HCK: variants seen among roughly 807,000 people sequenced by gnomAD.
HCK encodes HCK proto-oncogene, Src family tyrosine kinase.
In HCK, 40 loss-of-function variants were observed where a neutral mutation model predicts 70.4. That is an observed-to-expected ratio of 0.57 (90% CI 0.44 to 0.74). HCK has a LOEUF of 0.74. Among genes scored for constraint, HCK ranks in the 30% least tolerant of loss-of-function variants. HCK has a pLI of 0.00. For missense variants in HCK, 568 were observed against 697.2 expected (o/e 0.81, Z 2.09); for synonymous variants, 245 against 263.2 (o/e 0.93, Z 0.67).
At chr20:32,069,389 T>TG in intron 1 of HCK, among the ~76,000 whole-genome samples, 1 of 152,206 alleles carries the variant, frequency 6.6e-6, no homozygotes, top group Non-Finnish European at 1.5e-5. Flanking sequence ...TGCAGATCAG[T>TG]GGGTGCCCAG....
In HCK at chr20:32,079,887, G is replaced by A. The variant is rs3746603; in HGVS notation, c.532+10G>A. On this transcript the variant is annotated intron_variant, in intron 6 of 12. Transcript: ENST00000375852. ...AGCGAGACCACTAAAGGTGACACCA[G>A]CCCTCCCCACCTTGTCCTCCCTGCC... is the stretch of plus-strand genomic sequence containing the variant. The A allele has an allele frequency of 0.012, 18,567 of 1,590,320 alleles. 1,230 individuals carry two copies. In the East Asian group the frequency reaches 0.2, roughly 17 times the overall value.
At chr20:32,099,773 T>G (rs1174270383) in intron 12 of HCK, among the ~76,000 whole-genome samples, 1 of 152,156 alleles carries the variant, frequency 6.6e-6, no homozygotes, top group African/African-American at 2.4e-5. Context: ...CAGCGTCATC[T>G]CCCATAGATG....
intron 1 of HCK, among the ~76,000 whole-genome samples, chr20:32,062,294 A>G (rs757363569): frequency 2.0e-5 from 3 of 152,020 alleles, no homozygotes; most frequent in Non-Finnish European, 4.4e-5. Flanking sequence ...GCAGATTCAA[A>G]CCCAGCTCTA....
At chr20:32,085,310 C>G (rs60902201) in intron 8 of HCK, among the ~76,000 whole-genome samples, 3 of 152,078 alleles carry the variant, frequency 2.0e-5, no homozygotes, top group African/African-American at 7.2e-5. Flanking sequence ...GTCAGCAGTT[C>G]GAGAAAAACC....
At chr20:32,079,257 G>A (rs1451848723) in intron 5 of HCK, among the ~76,000 whole-genome samples, 1 of 152,188 alleles carries the variant, frequency 6.6e-6, no homozygotes, top group Admixed American at 6.5e-5. Context: ...CTCCATATAT[G>A]CGGAGGAGGA....
At chr20:32,072,563 T>TAAAAAA (rs199684278) in intron 2 of HCK, 5 of 63,206 alleles carry the variant, frequency 7.9e-5, no homozygotes, top group African/African-American at 2.9e-4. Context: ...CCTGTCTCTT[T>TAAAAAA]AAAAAAAAAA....
intron 1 of HCK, among the ~76,000 whole-genome samples, chr20:32,063,171 A>T (rs1338219300): frequency 2.0e-5 from 3 of 152,154 alleles, no homozygotes; most frequent in African/African-American, 7.2e-5. Context: ...TGGTCTGTTG[A>T]CTTCAGCCAA....
At chr20:32,092,620 G>A (rs954106706) in intron 10 of HCK, among the ~76,000 whole-genome samples, 1 of 151,868 alleles carries the variant, frequency 6.6e-6, no homozygotes, top group Non-Finnish European at 1.5e-5. Flanking sequence ...TCCCCAACAC[G>A]CTCAGAATAA....
At chr20:32,086,083 A>G (rs2045780922) in intron 8 of HCK, among the ~76,000 whole-genome samples, 1 of 152,112 alleles carries the variant, frequency 6.6e-6, no homozygotes, top group Admixed American at 6.5e-5. Context: ...GCAGTGGCTC[A>G]ATCTTGGCTC....
In HCK at chr20:32,093,932, T is replaced by C; in HGVS notation, c.1162T>C (p.Leu388=). ...CCGAGACCTCCGAGCTGCCAACATC[T>C]TGGTCTCTGCATCCCTGGTGTGTAA... The change falls in exon 11 of 13, where the codon TTG becomes CTG. Residue 388 remains leucine, a synonymous_variant. Coordinates refer to ENST00000375852, the MANE Select transcript of HCK (RefSeq NM_002110.5). The C allele has an allele frequency of 6.2e-7, 1 of 1,613,382 alleles. No homozygotes were observed. The highest frequency in any genetic ancestry group is 8.5e-7 in the Non-Finnish European group (1 of 1,179,818).
At chr20:32,052,786 G>GT (rs1568945581) in intron 1 of HCK, among the ~76,000 whole-genome samples, 1 of 129,798 alleles carries the variant, frequency 7.7e-6, no homozygotes, top group African/African-American at 3.4e-5. Flanking sequence ...CCTTCTTGGG[G>GT]GGGGGCGGGG....
chr20:32,064,966 C>T (rs977741541), intron 1 of HCK, among the ~76,000 whole-genome samples: 29 of 152,232 alleles, frequency 1.9e-4, no homozygotes, highest in African/African-American at 7.0e-4. Flanking sequence ...GCTCTCAGAG[C>T]GTGCTTTTGA....
At chr20:32,053,129 T>A (rs1227151383) in intron 1 of HCK, among the ~76,000 whole-genome samples, 1 of 152,120 alleles carries the variant, frequency 6.6e-6, no homozygotes, top group Non-Finnish European at 1.5e-5. Context: ...AAAACGGGGC[T>A]ATGAAGTCTT....
intron 1 of HCK, among the ~76,000 whole-genome samples, chr20:32,056,267 A>T (rs2045270138): frequency 1.3e-5 from 2 of 152,096 alleles, no homozygotes. Context: ...TAATCCCAGC[A>T]CTCTGGGAGG....
In HCK at chr20:32,079,758, C is replaced by T. The variant is rs369877137; in HGVS notation, c.429-16C>T. ...ATGACCCCAGGTTCACATTTGTCCCCTCCCTTTTCCATCAGGTGGTTTTTC... is the reference window on the plus strand; with the variant it reads ...ATGACCCCAGGTTCACATTTGTCCCTTCCCTTTTCCATCAGGTGGTTTTTC... On this transcript the variant is annotated splice_polypyrimidine_tract_variant and intron_variant, in intron 5 of 12. Transcript: ENST00000375852. The T allele has an allele frequency of 2.7e-5, 43 of 1,593,520 alleles. No homozygotes were observed. The African/African-American group carries it at 5.8e-4, about 21-fold the overall frequency.
At chr20:32,079,318 C>T (rs1055350249) in intron 5 of HCK, among the ~76,000 whole-genome samples, 1 of 152,180 alleles carries the variant, frequency 6.6e-6, no homozygotes, top group African/African-American at 2.4e-5. Context: ...TCCAAGGTCC[C>T]AAGAAGGATC....
At chr20:32,072,135 A>G (rs1320669372) in intron 2 of HCK, 1 of 248,386 alleles carries the variant, frequency 4.0e-6, no homozygotes, top group East Asian at 8.4e-5. Context: ...TAATGGTAGT[A>G]TCAGCAGCAT....
Position 32,063,900 on chromosome 20 carries a change from G to A in HCK, c.63-7762G>A, listed in dbSNP as rs930141652. On this transcript the variant is annotated intron_variant, in intron 1 of 12. Coordinates refer to ENST00000375852, the MANE Select transcript of HCK (RefSeq NM_002110.5). Reference sequence around the variant, plus strand: ...GAGTCTGCATTTCTCTATTTCTTGGGTTTGCCTTGCTGCTGCAGGCCTTTT... The same window carrying A: ...GAGTCTGCATTTCTCTATTTCTTGGATTTGCCTTGCTGCTGCAGGCCTTTT... Among the ~76,000 whole-genome samples, 5 of 150,688 alleles carry A rather than the reference G, an allele frequency of 3.3e-5. No individual in the cohort carries two copies. In the South Asian group the frequency reaches 1.0e-3, roughly 32 times the overall value.
intron 1 of HCK, among the ~76,000 whole-genome samples, chr20:32,059,439 TCTTTC>T (rs2122470268): frequency 6.6e-6 from 1 of 151,580 alleles, no homozygotes; most frequent in South Asian, 2.1e-4. Flanking sequence ...CTTTTTTCTT[TCTTTC>T]TTTCTTTCTT....
Sources: gnomAD v4.1 joint callset for allele counts (sites outside exome capture counted in the v4.1 genomes callset) on GRCh38, gnomAD v4.1.1 for gene constraint, MANE v1.5 for transcripts, NCBI Gene and HGNC (gene_info 2026-07-23, HGNC 2026-07-21) for gene names.